Variants in NOTCH3 observed in about 807,000 individuals in gnomAD.
NOTCH3 encodes the protein neurogenic locus notch homolog protein 3.
NOTCH3 carries 86 observed loss-of-function variants against 213.3 expected under a neutral mutation model. The ratio of observed to expected loss-of-function variants is 0.40; its 90% CI spans 0.34 to 0.48. The LOEUF is 0.48. NOTCH3 is among the 20% of genes least tolerant of loss of function. NOTCH3 has a pLI of 0.57. For missense variants in NOTCH3, 2,783 were observed against 3,272.6 expected (o/e 0.85, Z 3.65); for synonymous variants, 1,354 against 1,355.9 (o/e 1.00, Z 0.03).
chr19:15,184,341 C>A lies in NOTCH3; in HGVS notation c.2520G>T (p.Gly840=). 6.2e-7 allele frequency: 1 copy of A among 1,613,952 alleles called. No homozygotes were observed. The highest frequency in any genetic ancestry group is 8.5e-7 in the Non-Finnish European group (1 of 1,179,964). Residue 840 remains glycine (G), a synonymous_variant, in exon 16 of 33, where the codon GGG becomes GGT. Coordinates refer to ENST00000263388, the MANE Select transcript of NOTCH3 (RefSeq NM_000435.3). ...AGSFSCTCHG[G]YTGPSCDQDI... ...CCTGATCGCAGGAAGGGCCAGTGTA[C>A]CCTCCATGGCAGGTGCAGCTGAAAC...
intron 24 of NOTCH3, among the ~76,000 whole-genome samples, chr19:15,175,295 G>A (rs979671518): frequency 7.1e-6 from 1 of 140,762 alleles, no homozygotes; most frequent in Non-Finnish European, 1.5e-5. Flanking sequence ...CACTTTGGGA[G>A]GCCAAGGTGT....
chr19:15,172,096 A>T (rs569550372), intron 25 of NOTCH3, among the ~76,000 whole-genome samples: 2 of 152,220 alleles, frequency 1.3e-5, no homozygotes, highest in East Asian at 3.9e-4. Flanking sequence ...GGGTTTCTCC[A>T]TGTTGGTCAG....
rs776962888 is a variant in NOTCH3, at chr19:15,191,414, G to A, written c.1036+10C>T. 91 of 1,610,126 alleles carry A rather than the reference G, an allele frequency of 5.7e-5. No homozygotes were observed. In the Middle Eastern group the frequency reaches 6.6e-4, roughly 12 times the overall value. On this transcript the variant is annotated intron_variant, in intron 6 of 32. Coordinates refer to ENST00000263388, the MANE Select transcript of NOTCH3 (RefSeq NM_000435.3). Reference sequence around the variant, plus strand: ...ATCCATGGCTCCCTGCAGAGAAAACGGCCACTCACCAGTCTTGCCCATGGG... The same window carrying A: ...ATCCATGGCTCCCTGCAGAGAAAACAGCCACTCACCAGTCTTGCCCATGGG...
intron 20 of NOTCH3, chr19:15,179,808 A>G: frequency 1.7e-6 from 1 of 592,040 alleles, no homozygotes; most frequent in Non-Finnish European, 3.0e-6. Context: ...ACCTGAACCC[A>G]GGAGGCAAAG....
chr19:15,160,876 G>C lies in NOTCH3; in HGVS notation c.6752C>G (p.Ser2251Cys), dbSNP rs2046634471. 6.2e-7 allele frequency: 1 copy of C among 1,613,636 alleles called. No individual in the cohort carries two copies. Among genetic ancestry groups the C allele is most frequent in the Non-Finnish European group, 8.5e-7 (1 of 1,179,682 alleles). ...TGAGGGGCTGGCCCAGTGCTCAGGG[G>C]ATTCGGGGGATGGGGTCAGGTAAGG... ...EHPYLTPSPESPEHWASPSPP... is the reference protein window; with the variant it reads ...EHPYLTPSPECPEHWASPSPP... The change falls in exon 33 of 33, where the codon TCC becomes TGC. Residue 2251 changes from serine to cysteine, a missense_variant. Physicochemically the swap from Ser to Cys is moderately radical, Grantham distance 112. Around this residue, in one of 6 missense-constraint regions of NOTCH3, gnomAD observed 441 missense variants for 432.1 expected, o/e 1.02. Transcript: ENST00000263388.
intron 24 of NOTCH3, among the ~76,000 whole-genome samples, 178 bp from the exon 25 acceptor site, chr19:15,174,578 T>C (rs1383370101): frequency 6.6e-6 from 1 of 151,672 alleles, no homozygotes; most frequent in East Asian, 1.9e-4. Flanking sequence ...ATAATTTTTT[T>C]TTTTTTTTTT....
chr19:15,197,561 C>A lies in NOTCH3; in HGVS notation c.136G>T (p.Gly46Ter). The A allele has an allele frequency of 6.2e-7, 1 of 1,611,742 alleles. No individual in the cohort carries two copies. Residue 46 changes from glycine to a stop codon, truncating the protein, a stop_gained, in exon 2 of 33, where the codon GGA (glycine) becomes TGA (stop). Coordinates refer to ENST00000263388, the MANE Select transcript of NOTCH3 (RefSeq NM_000435.3). LOFTEE classifies it high-confidence loss of function. ...CGACCTCCATTTGCACACGGGCTTC[C>A]GTCCAGGCAAGGGGGGGCTGTGTGG... ...PGAAAPPCLD[G>*]SPCANGGRCT...
chr19:15,171,442 C>T (rs1004115424), intron 25 of NOTCH3, among the ~76,000 whole-genome samples: 4 of 152,196 alleles, frequency 2.6e-5, no homozygotes, highest in East Asian at 3.8e-4. Context: ...CTTGACCTCC[C>T]GCCTTCAAGC....
intron 1 of NOTCH3, among the ~76,000 whole-genome samples, chr19:15,198,864 T>C (rs1358416456): frequency 6.6e-6 from 1 of 151,636 alleles, no homozygotes; most frequent in Non-Finnish European, 1.5e-5. Flanking sequence ...TGACCCGAGA[T>C]TGCGCCACTG....
chr19:15,174,476 C>T (rs772877484), intron 24 of NOTCH3, 76 bp from the exon 25 acceptor site: 25 of 1,083,696 alleles, frequency 2.3e-5, no homozygotes, highest in Non-Finnish European at 2.8e-5. Flanking sequence ...GCATTCACAC[C>T]GTAGAGTACA....
intron 24 of NOTCH3, 131 bp downstream of exon 24, chr19:15,177,394 T>C (rs2046800181): frequency 2.5e-6 from 2 of 799,930 alleles, no homozygotes; most frequent in Non-Finnish European, 4.3e-6. Flanking sequence ...GACACACCGA[T>C]GGGCAGATAG....
Position 15,179,104 on chromosome 19 carries a change from G to A in NOTCH3, c.3639C>T (p.Ala1213=), listed in dbSNP as rs374239471. ...AGTCCCGGGTGTGTGCCGCGTGGCA[G>A]GCACCTGAGCGACACTCATTGATGT... The part of the protein sequence containing the change: ...EADINECRSG[A]CHAAHTRDCL... The change falls in exon 22 of 33, where the codon GCC becomes GCT. Residue 1213 remains alanine, a synonymous_variant. Transcript: ENST00000263388. 12 of 1,614,092 alleles carry A rather than the reference G, an allele frequency of 7.4e-6. No homozygotes were observed. In the African/African-American group the frequency reaches 1.6e-4, roughly 22 times the overall value.
Position 15,178,091 on chromosome 19 carries a change from C to A in NOTCH3, c.3838-1G>T. The A allele has an allele frequency of 6.8e-7, 1 of 1,473,388 alleles. No homozygotes were observed. Among genetic ancestry groups the A allele is most frequent in the Non-Finnish European group, 9.0e-7 (1 of 1,109,974 alleles). 91.3% of individuals were successfully genotyped at this position (1,473,388 alleles called of 1,614,324 possible). A position where few individuals can be genotyped will look rare whatever the true frequency, so the allele number is the denominator to read the frequency against. ...GCTCGCAACGCGGACCCCAGAACGG[C>A]TGGGGGTCGGGTTTGGGGAGGGAGG... On this transcript the variant is annotated splice_acceptor_variant, in intron 23 of 32. Coordinates refer to ENST00000263388, the MANE Select transcript of NOTCH3 (RefSeq NM_000435.3). LOFTEE classifies it high-confidence loss of function.
chr19:15,178,353 T>G, intron 23 of NOTCH3: 1 of 479,226 alleles, frequency 2.1e-6, no homozygotes, highest in Non-Finnish European at 3.7e-6. Context: ...CCTCACCCTT[T>G]TCCCTTCAAA....
chr19:15,192,671 T>C, intron 2 of NOTCH3, 152 bp from the exon 3 acceptor site: 2 of 1,163,630 alleles, frequency 1.7e-6, no homozygotes, highest in Non-Finnish European at 2.4e-6. Flanking sequence ...TCCCAGAACT[T>C]TGGGAGGCTG....
chr19:15,185,071 A>T lies in NOTCH3; in HGVS notation c.2297-52T>A. The T allele has an allele frequency of 7.9e-7, 1 of 1,263,664 alleles. No individual in the cohort carries two copies. Among genetic ancestry groups the T allele is most frequent in the Non-Finnish European group, 1.1e-6 (1 of 907,300 alleles). The allele number at this position is 1,263,664 out of a possible 1,614,324, so 78.3% of individuals were successfully genotyped here. A position where few individuals can be genotyped will look rare whatever the true frequency, so the allele number is the denominator to read the frequency against. ...AGAGATAGCCTTGAGGGACTCCCTG[A>T]TCCCATCTCCCCCCACCTCCCCCAA... On this transcript the variant is annotated intron_variant, in intron 14 of 32. Coordinates refer to ENST00000263388, the MANE Select transcript of NOTCH3 (RefSeq NM_000435.3). The surrounding 1 kb of genome is among the most constrained non-coding windows in gnomAD (Gnocchi z 4.2).
At chr19:15,200,660 G>T in intron 1 of NOTCH3, 128 bp downstream of exon 1, 1 of 659,764 alleles carries the variant, frequency 1.5e-6, no homozygotes, top group Non-Finnish European at 2.0e-6. Context: ...CATGAAGCCC[G>T]GGGCTCCTGC....
At chr19:15,182,491 A>G (rs1371955517) in intron 16 of NOTCH3, among the ~76,000 whole-genome samples, 1 of 136,704 alleles carries the variant, frequency 7.3e-6, no homozygotes, top group African/African-American at 2.6e-5. Flanking sequence ...TGGGCGACAG[A>G]GTGAGAACTT....
chr19:15,168,979 T>C (rs1196234590), intron 28 of NOTCH3, among the ~76,000 whole-genome samples: 1 of 152,000 alleles, frequency 6.6e-6, no homozygotes, highest in Admixed American at 6.6e-5. Flanking sequence ...AGTGATGCAG[T>C]CATAGCTCAC....
Sources: allele counts gnomAD v4.1 joint callset (sites outside exome capture counted in the v4.1 genomes callset), GRCh38; gene constraint gnomAD v4.1.1; regional missense constraint gnomAD v4.1.1; non-coding constraint Gnocchi (gnomAD v3.1); transcripts MANE v1.5; gene names NCBI Gene and HGNC (gene_info 2026-07-23, HGNC 2026-07-21).